Variants in KIAA1549L observed in about 807,000 individuals in gnomAD.
KIAA1549L encodes UPF0606 protein KIAA1549L.
In KIAA1549L, 88 loss-of-function variants were observed where a neutral mutation model predicts 160.7. The observed-to-expected ratio is 0.55, with a 90% CI of 0.46 to 0.65. The LOEUF is 0.65. KIAA1549L is among the 30% of genes least tolerant of loss of function. KIAA1549L has a pLI of 0.00. For synonymous variants in KIAA1549L, 950 were observed against 976.7 expected (o/e 0.97, Z 0.51); for missense variants, 2,258 against 2,437.5 (o/e 0.93, Z 1.55).
intron 1 of KIAA1549L, among the ~76,000 whole-genome samples, chr11:33,452,450 A>G (rs1851739579): frequency 6.6e-6 from 1 of 152,094 alleles, no homozygotes; most frequent in South Asian, 2.1e-4. Context: ...TACTAAAAAT[A>G]CAAAAAAATT....
At position 33,391,249 on chromosome 11, in the gene KIAA1549L, C is replaced by T. The variant is rs1199208304; in HGVS notation, c.238+14360C>T. 2.6e-5 allele frequency among the ~76,000 whole-genome samples: 4 copies of T among 152,258 alleles called. No homozygotes were observed. In the East Asian group the frequency reaches 7.7e-4, roughly 29 times the overall value. ...TTTCACTGAATTTAAGACGTCAGAC[C>T]TAATTTTCTTGAATGAGCATTGGTT... On this transcript the variant is annotated intron_variant, in intron 1 of 20. Coordinates refer to ENST00000658780, the MANE Select transcript of KIAA1549L (RefSeq NM_012194.3).
chr11:33,481,837 T>C (rs1409548363), intron 1 of KIAA1549L, among the ~76,000 whole-genome samples: 1 of 152,238 alleles, frequency 6.6e-6, no homozygotes, highest in African/African-American at 2.4e-5. Flanking sequence ...ACATTGGACA[T>C]GTTTGCATCT....
intron 1 of KIAA1549L, among the ~76,000 whole-genome samples, chr11:33,394,403 AAATAAATAAATAAATAAACAAAC>A (rs1283647352): frequency 7.7e-4 from 72 of 93,272 alleles, no homozygotes; most frequent in African/African-American, 1.9e-3. Flanking sequence ...ATAAATAAAT[AAATAAATAAATAAATAAACAAAC>A]AATAAACAAT....
intron 16 of KIAA1549L, 96 bp from the exon 17 acceptor site, chr11:33,645,590 C>T: frequency 1.1e-6 from 1 of 903,500 alleles, no homozygotes; most frequent in Non-Finnish European, 1.8e-6. Context: ...CAGATGCATC[C>T]TAGCACCTGT....
At chr11:33,411,786 C>T (rs111520268) in intron 1 of KIAA1549L, among the ~76,000 whole-genome samples, 1,704 of 152,292 alleles carry the variant, frequency 0.011, 26 homozygotes, top group African/African-American at 0.038. Context: ...TAAGGCTTAG[C>T]TGTGTTGTCA....
intron 1 of KIAA1549L, among the ~76,000 whole-genome samples, chr11:33,529,008 A>T (rs890592653): frequency 7.9e-5 from 12 of 152,276 alleles, no homozygotes; most frequent in African/African-American, 2.2e-4. Flanking sequence ...CTATTTTTTT[A>T]AAAAAGAAAA....
intron 1 of KIAA1549L, among the ~76,000 whole-genome samples, chr11:33,427,709 C>T (rs1273084383): frequency 1.3e-5 from 2 of 152,114 alleles, no homozygotes; most frequent in Admixed American, 1.3e-4. Flanking sequence ...GTTATGCAGC[C>T]ACTACATCTA....
chr11:33,663,866 G>A (rs544383257), intron 20 of KIAA1549L, among the ~76,000 whole-genome samples: 3 of 152,298 alleles, frequency 2.0e-5, no homozygotes, highest in East Asian at 1.9e-4. Flanking sequence ...TAACTGTTAC[G>A]CTGGAGAAAG....
chr11:33,489,372 G>A (rs1852604302), intron 1 of KIAA1549L, among the ~76,000 whole-genome samples: 1 of 152,140 alleles, frequency 6.6e-6, no homozygotes, highest in Non-Finnish European at 1.5e-5. Flanking sequence ...TTACTCTAGG[G>A]CCATGCTGAA....
chr11:33,617,789 G>GGATGGATGGATGGATGGA (rs1564926409), intron 15 of KIAA1549L, among the ~76,000 whole-genome samples: 178 of 149,040 alleles, frequency 1.2e-3, no homozygotes, highest in African/African-American at 4.2e-3. Flanking sequence ...GGAAGCCTCG[G>GGATGGATGGATGGATGGA]TGGATGGATG....
At chr11:33,655,097 T>A (rs1215533842) in intron 17 of KIAA1549L, among the ~76,000 whole-genome samples, 4 of 152,214 alleles carry the variant, frequency 2.6e-5, no homozygotes. Context: ...TTTCTAGATT[T>A]TCTCTTGCTA....
intron 1 of KIAA1549L, among the ~76,000 whole-genome samples, chr11:33,410,803 A>T (rs1850770631): frequency 6.6e-6 from 1 of 152,360 alleles, no homozygotes; most frequent in South Asian, 2.1e-4. Flanking sequence ...AGCATGAGCA[A>T]AACTAAAAGA....
At chr11:33,404,876 G>GGC (rs1850612650) in intron 1 of KIAA1549L, among the ~76,000 whole-genome samples, 1 of 151,596 alleles carries the variant, frequency 6.6e-6, no homozygotes, top group African/African-American at 2.4e-5. Context: ...TGGGCATGGT[G>GGC]GCATGCCTGT....
At chr11:33,568,367 CT>C in intron 9 of KIAA1549L, 140 bp downstream of exon 9, 1 of 767,662 alleles carries the variant, frequency 1.3e-6, no homozygotes, top group Non-Finnish European at 1.9e-6. Context: ...CAAGGCTGCT[CT>C]TAGGTTTTGG....
At chr11:33,533,440 C>T (rs183715846) in intron 1 of KIAA1549L, among the ~76,000 whole-genome samples, 32 of 152,300 alleles carry the variant, frequency 2.1e-4, no homozygotes, top group Non-Finnish European at 3.2e-4. Flanking sequence ...TTATGTTTCA[C>T]AGTGATAATA....
intron 8 of KIAA1549L, among the ~76,000 whole-genome samples, chr11:33,566,099 A>G (rs1023899799): frequency 3.3e-5 from 5 of 152,218 alleles, no homozygotes; most frequent in Non-Finnish European, 7.3e-5. Context: ...ATCCAGTGGG[A>G]TCAGGTATAT....
At chr11:33,377,460 A>G (rs140767272) in intron 1 of KIAA1549L, among the ~76,000 whole-genome samples, 2 of 152,290 alleles carry the variant, frequency 1.3e-5, no homozygotes, top group African/African-American at 2.4e-5. Context: ...AAAAATAGTC[A>G]TGCTTGGCTT....
intron 16 of KIAA1549L, among the ~76,000 whole-genome samples, chr11:33,632,630 G>A (rs1851328526): frequency 6.6e-6 from 1 of 152,130 alleles, no homozygotes; most frequent in Non-Finnish European, 1.5e-5. Flanking sequence ...CCAGGCTGGA[G>A]TACAGTGACA....
chr11:33,579,654 G>A (rs1855569787), intron 10 of KIAA1549L, among the ~76,000 whole-genome samples: 1 of 152,182 alleles, frequency 6.6e-6, no homozygotes. Flanking sequence ...AAAGGTGTTG[G>A]GAATTCAAGC....
Sources: gnomAD v4.1 joint callset for allele counts (sites outside exome capture counted in the v4.1 genomes callset) on GRCh38, gnomAD v4.1.1 for gene constraint, MANE v1.5 for transcripts, NCBI Gene and HGNC (gene_info 2026-07-23, HGNC 2026-07-21) for gene names.